Variants in PHACTR1 observed in about 807,000 individuals in gnomAD.
PHACTR1 encodes the protein phosphatase and actin regulator 1.
A neutral mutation model predicts 69.2 loss-of-function variants in PHACTR1; 16 were observed. The ratio of observed to expected loss-of-function variants is 0.23; its 90% CI spans 0.16 to 0.35. PHACTR1 has a LOEUF of 0.35. Ranked by LOEUF, PHACTR1 falls within the 10% of genes least tolerant of loss-of-function variation. The pLI is 1.00. For synonymous variants in PHACTR1, 312 were observed against 284.5 expected (o/e 1.10, Z -0.97); for missense variants, 510 against 734.7 (o/e 0.69, Z 3.54).
chr6:12,888,529 T>C (rs937965381), intron 4 of PHACTR1, among the ~76,000 whole-genome samples: 11 of 152,220 alleles, frequency 7.2e-5, no homozygotes, highest in Non-Finnish European at 1.3e-4. Flanking sequence ...TTAATCATAA[T>C]TTTTTAAAAC....
chr6:12,957,246 A>T, intron 4 of PHACTR1: 1 of 569,812 alleles, frequency 1.8e-6, no homozygotes, highest in Non-Finnish European at 2.2e-6. Flanking sequence ...AAAAAGCTCA[A>T]CAAATACTCA....
chr6:13,211,609 C>T (rs919430640), intron 8 of PHACTR1, among the ~76,000 whole-genome samples: 2 of 152,182 alleles, frequency 1.3e-5, no homozygotes, highest in South Asian at 2.1e-4. Context: ...CACTTTCAGT[C>T]GCTCATGCCA....
At chr6:12,967,547 G>A (rs1793646108) in intron 4 of PHACTR1, among the ~76,000 whole-genome samples, 1 of 152,186 alleles carries the variant, frequency 6.6e-6, no homozygotes, top group Non-Finnish European at 1.5e-5. Context: ...AATGTTGCTG[G>A]CAACTGTGCT....
rs141048363 is a variant in PHACTR1 at position 13,119,569 on chromosome 6, G to A, written c.416-40635G>A. Among the ~76,000 whole-genome samples, 190 of 152,300 alleles carry A rather than the reference G, an allele frequency of 1.2e-3. 1 individual carries two copies. The highest frequency in any genetic ancestry group is 2.4e-3 in the Non-Finnish European group (163 of 68,030). ...GATGCTGGGGGAAGAGGCCCCCAGAGCTCCCAGCCCCTGCAGCTACAACTC... is the reference window on the plus strand; with the variant it reads ...GATGCTGGGGGAAGAGGCCCCCAGAACTCCCAGCCCCTGCAGCTACAACTC... On this transcript the variant is annotated intron_variant, in intron 5 of 14. Coordinates refer to ENST00000332995, the MANE Select transcript of PHACTR1 (RefSeq NM_030948.6).
chr6:12,883,965 C>G (rs1561977333), intron 4 of PHACTR1, among the ~76,000 whole-genome samples: 1 of 152,014 alleles, frequency 6.6e-6, no homozygotes, highest in African/African-American at 2.4e-5. Context: ...CACAGTCACA[C>G]ATGTACCCAC....
chr6:12,832,646 T>C (rs1468118005), intron 4 of PHACTR1, among the ~76,000 whole-genome samples: 1 of 152,132 alleles, frequency 6.6e-6, no homozygotes, highest in Non-Finnish European at 1.5e-5. Context: ...AATTGGAATG[T>C]TTTTATTAAA....
rs563847424 is a variant in PHACTR1, at chr6:12,770,617, A to G, written c.250+20827A>G. 2.6e-5 allele frequency among the ~76,000 whole-genome samples: 4 copies of G among 152,298 alleles called. No homozygotes were observed. The South Asian group carries it at 8.3e-4, about 32-fold the overall frequency. ...GGCATTTAAGTCCCCCTGGTTCACA[A>G]GATTGTATATGTATTCCTTCAAAAA... On this transcript the variant is annotated intron_variant, in intron 4 of 14. Transcript: ENST00000332995.
intron 4 of PHACTR1, among the ~76,000 whole-genome samples, chr6:12,859,654 G>A (rs9296494): frequency 0.61 from 92,946 of 151,994 alleles, 30,165 homozygotes; most frequent in East Asian, 0.99. Flanking sequence ...GTGCAAGGTT[G>A]AGACTTTGAG....
At chr6:13,024,494 A>G (rs748677091) in intron 4 of PHACTR1, among the ~76,000 whole-genome samples, 8 of 152,186 alleles carry the variant, frequency 5.3e-5, no homozygotes, top group Non-Finnish European at 1.0e-4. Flanking sequence ...TTCAAGAATC[A>G]CGTCTGCAAA....
intron 4 of PHACTR1, among the ~76,000 whole-genome samples, chr6:12,852,926 C>A (rs1779974099): frequency 6.6e-6 from 1 of 152,098 alleles, no homozygotes; most frequent in Admixed American, 6.5e-5. Flanking sequence ...CTGGTGAGTA[C>A]CCAAATTCAT....
At chr6:13,235,731 A>T (rs1179008125) in intron 10 of PHACTR1, among the ~76,000 whole-genome samples, 1 of 152,194 alleles carries the variant, frequency 6.6e-6, no homozygotes, top group Non-Finnish European at 1.5e-5. Context: ...AAAGGAAGGG[A>T]CTAAGACTCC....
intron 5 of PHACTR1, among the ~76,000 whole-genome samples, chr6:13,057,419 T>C (rs1466934898): frequency 6.6e-6 from 1 of 152,192 alleles, no homozygotes; most frequent in Non-Finnish European, 1.5e-5. Context: ...TAAGTCCATA[T>C]ATTCATATTA....
intron 4 of PHACTR1, among the ~76,000 whole-genome samples, chr6:12,831,372 C>T (rs887447344): frequency 1.3e-5 from 2 of 152,214 alleles, no homozygotes; most frequent in Admixed American, 1.3e-4. Flanking sequence ...GAACCCGTCA[C>T]TCAGGACCTC....
intron 4 of PHACTR1, among the ~76,000 whole-genome samples, chr6:12,858,371 A>G (rs1325752178): frequency 6.6e-6 from 1 of 152,246 alleles, no homozygotes; most frequent in Non-Finnish European, 1.5e-5. Flanking sequence ...AGGTAAATAT[A>G]TAACTGTCCA....
chr6:13,069,273 C>G (rs1809144675), intron 5 of PHACTR1, among the ~76,000 whole-genome samples: 1 of 152,198 alleles, frequency 6.6e-6, no homozygotes, highest in South Asian at 2.1e-4. Flanking sequence ...TCTGCCACCT[C>G]TCTTGCACCT....
intron 4 of PHACTR1, among the ~76,000 whole-genome samples, chr6:12,856,255 C>CTTTTTTTTTT (rs66541950): frequency 7.4e-6 from 1 of 135,806 alleles, no homozygotes; most frequent in Admixed American, 7.7e-5. Flanking sequence ...TTCTTTCTTT[C>CTTTTTTTTTT]TTTTTTTTTT....
intron 3 of PHACTR1, among the ~76,000 whole-genome samples, chr6:12,745,865 G>T (rs1451599884): frequency 6.6e-6 from 1 of 152,176 alleles, no homozygotes; most frequent in African/African-American, 2.4e-5. Flanking sequence ...AGAGTGACTT[G>T]CCCAGTGTCA....
chr6:12,988,874 T>C (rs528558296), intron 4 of PHACTR1, among the ~76,000 whole-genome samples: 250 of 152,292 alleles, frequency 1.6e-3, no homozygotes, highest in African/African-American at 5.4e-3. Flanking sequence ...ATCAAACAGA[T>C]AATAGGTGTG....
At chr6:13,218,420 A>G (rs1420484452) in intron 8 of PHACTR1, among the ~76,000 whole-genome samples, 1 of 152,228 alleles carries the variant, frequency 6.6e-6, no homozygotes, top group African/African-American at 2.4e-5. Flanking sequence ...ATGTCTTGGC[A>G]TTCATTCCTG....
Sources: gnomAD v4.1 joint callset for allele counts (sites outside exome capture counted in the v4.1 genomes callset) on GRCh38, gnomAD v4.1.1 for gene constraint, MANE v1.5 for transcripts, NCBI Gene and HGNC (gene_info 2026-07-23, HGNC 2026-07-21) for gene names.